The following CADM1 variants were observed in gnomAD, a reference collection of about 807,000 sequenced individuals.
CADM1 encodes cell adhesion molecule 1, also known as TSLC-1.
A neutral mutation model predicts 53.1 loss-of-function variants in CADM1; 15 were observed. That is an observed-to-expected ratio of 0.28 (90% CI 0.19 to 0.44). CADM1 has a LOEUF of 0.44. Among genes scored for constraint, CADM1 ranks in the 20% least tolerant of loss-of-function variants. CADM1 has a pLI of 1.00. For synonymous variants in CADM1, 281 were observed against 243.0 expected, an observed-to-expected ratio of 1.16 and a Z score of -1.45; for missense variants, 434 against 611.3, an observed-to-expected ratio of 0.71 and a Z score of 3.06.
intron 1 of CADM1, among the ~76,000 whole-genome samples, chr11:115,468,045 G>T (rs1482137768): frequency 1.3e-5 from 2 of 152,162 alleles, no homozygotes; most frequent in Non-Finnish European, 2.9e-5. Context: ...CTTACGGTTT[G>T]CATATAGAAA....
intron 1 of CADM1, among the ~76,000 whole-genome samples, chr11:115,396,389 G>C (rs1000432659): frequency 4.6e-5 from 7 of 152,128 alleles, no homozygotes; most frequent in African/African-American, 1.7e-4. Flanking sequence ...CATAAATCTT[G>C]ACCACTCTTC....
At chr11:115,287,825 T>C (rs767333581) in intron 1 of CADM1, among the ~76,000 whole-genome samples, 16 of 152,218 alleles carry the variant, frequency 1.1e-4, no homozygotes, top group Non-Finnish European at 2.1e-4. Context: ...ACGTACTACA[T>C]GCCAGGGACT....
chr11:115,206,356 G>C (rs938822128), intron 8 of CADM1, among the ~76,000 whole-genome samples: 1 of 152,174 alleles, frequency 6.6e-6, no homozygotes, highest in Non-Finnish European at 1.5e-5. Context: ...GACCTGCTCC[G>C]TGTAGGGTAA....
intron 1 of CADM1, among the ~76,000 whole-genome samples, chr11:115,363,044 A>T (rs898351471): frequency 6.6e-6 from 1 of 152,288 alleles, no homozygotes; most frequent in Admixed American, 6.5e-5. Flanking sequence ...GTCCCTACCA[A>T]CAAAAAAAAT....
intron 1 of CADM1, among the ~76,000 whole-genome samples, chr11:115,364,336 T>G (rs1321773287): frequency 2.6e-5 from 4 of 152,222 alleles, no homozygotes; most frequent in Non-Finnish European, 4.4e-5. Context: ...CCTTTATACT[T>G]GAAACCCTCC....
chr11:115,316,060 A>G lies in CADM1; in HGVS notation c.125-75640T>C, dbSNP rs540706815. On this transcript the variant is annotated intron_variant, in intron 1 of 11. Transcript: ENST00000331581. ...AGAGTCATATCCCACCAAAACCCAA[A>G]TAATTTGGCCAGCCATGAACATGCC... Among the ~76,000 whole-genome samples the G allele has an allele frequency of 2.1e-4, 32 of 152,284 alleles. No homozygotes were observed. The South Asian group carries it at 6.2e-3, about 30-fold the overall frequency.
At chr11:115,350,488 G>A (rs1945700863) in intron 1 of CADM1, among the ~76,000 whole-genome samples, 1 of 150,694 alleles carries the variant, frequency 6.6e-6, no homozygotes, top group Non-Finnish European at 1.5e-5. Context: ...CTATCTGAGA[G>A]CCTATGACCA....
chr11:115,355,787 C>T (rs548686438), intron 1 of CADM1, among the ~76,000 whole-genome samples: 10 of 152,092 alleles, frequency 6.6e-5, no homozygotes, highest in African/African-American at 1.9e-4. Context: ...TTCTCTTATA[C>T]TTTATGCATC....
intron 1 of CADM1, among the ~76,000 whole-genome samples, chr11:115,279,905 A>G (rs1310187212): frequency 1.3e-5 from 2 of 152,168 alleles, no homozygotes; most frequent in South Asian, 2.1e-4. Context: ...CCTGTCCCCA[A>G]ATGAAATTAC....
chr11:115,467,297 G>T (rs748834672), intron 1 of CADM1, among the ~76,000 whole-genome samples: 9 of 152,138 alleles, frequency 5.9e-5, no homozygotes, highest in Non-Finnish European at 1.0e-4. Context: ...TTCAGAGTGG[G>T]TACCTAACAC....
chr11:115,321,518 T>G (rs1177911780), intron 1 of CADM1, among the ~76,000 whole-genome samples: 2 of 152,226 alleles, frequency 1.3e-5, no homozygotes, highest in African/African-American at 4.8e-5. Flanking sequence ...TTTTAATGTT[T>G]GACCCAGATT....
At chr11:115,293,008 G>T (rs746873104) in intron 1 of CADM1, among the ~76,000 whole-genome samples, 11 of 152,122 alleles carry the variant, frequency 7.2e-5, no homozygotes, top group Non-Finnish European at 1.5e-4. Flanking sequence ...ACTGCTTTTA[G>T]AAAAGTAGAT....
intron 9 of CADM1, among the ~76,000 whole-genome samples, chr11:115,193,002 A>G (rs1233590058): frequency 6.6e-6 from 1 of 152,224 alleles, no homozygotes; most frequent in Non-Finnish European, 1.5e-5. Flanking sequence ...ATACTCTGCC[A>G]TAGTTGGACA....
At chr11:115,418,436 T>C (rs1210196958) in intron 1 of CADM1, among the ~76,000 whole-genome samples, 1 of 152,110 alleles carries the variant, frequency 6.6e-6, no homozygotes, top group Non-Finnish European at 1.5e-5. Flanking sequence ...CTACTACCCT[T>C]ACAGGCTTCC....
At chr11:115,390,494 G>A (rs778063531) in intron 1 of CADM1, among the ~76,000 whole-genome samples, 13 of 151,862 alleles carry the variant, frequency 8.6e-5, no homozygotes, top group Non-Finnish European at 1.3e-4. Flanking sequence ...AAGCAGGGGA[G>A]AGACTGAGGC....
chr11:115,284,703 C>A (rs1477520810), intron 1 of CADM1, among the ~76,000 whole-genome samples: 2 of 152,040 alleles, frequency 1.3e-5, no homozygotes, highest in African/African-American at 2.4e-5. Context: ...AGAAAGAATA[C>A]AAACATTTTC....
intron 1 of CADM1, among the ~76,000 whole-genome samples, chr11:115,265,385 C>A (rs1226237937): frequency 1.3e-5 from 2 of 152,148 alleles, no homozygotes; most frequent in African/African-American, 4.8e-5. Flanking sequence ...GGCTTCTGGT[C>A]TATAAGATAC....
At chr11:115,315,668 CA>C (rs56881752) in intron 1 of CADM1, among the ~76,000 whole-genome samples, 37,286 of 139,188 alleles carry the variant, frequency 0.27, 4,940 homozygotes, top group East Asian at 0.45. Context: ...TATGTTTAGC[CA>C]AAAAAAAAAA....
chr11:115,242,150 C>CTTGA (rs1387316327), intron 1 of CADM1, among the ~76,000 whole-genome samples: 2 of 151,776 alleles, frequency 1.3e-5, no homozygotes, highest in African/African-American at 4.8e-5. Context: ...ATTTCTGATG[C>CTTGA]TTGAGGAGCA....
Sources: allele counts gnomAD v4.1 joint callset (sites outside exome capture counted in the v4.1 genomes callset), GRCh38; gene constraint gnomAD v4.1.1; transcripts MANE v1.5; gene names NCBI Gene and HGNC (gene_info 2026-07-23, HGNC 2026-07-21).